STK32B: variants seen among roughly 807,000 people sequenced by gnomAD.
STK32B encodes serine/threonine-protein kinase 32B.
STK32B carries 43 observed loss-of-function variants against 52.6 expected under a neutral mutation model. The observed-to-expected ratio is 0.82, with a 90% confidence interval of 0.64 to 1.05. The LOEUF (loss-of-function observed/expected upper bound fraction) is 1.05. Among genes scored for constraint, STK32B ranks in the 50% least tolerant of loss-of-function variants. The probability of loss-of-function intolerance (pLI) is 0.00; values close to 1 mark genes in which losing one functional copy is unlikely to be tolerated. For synonymous variants in STK32B, 238 were observed against 204.3 expected, an observed-to-expected ratio of 1.17 and a Z score of -1.41; for missense variants, 621 against 534.6, an observed-to-expected ratio of 1.16 and a Z score of -1.59.
At chr4:5,084,710 A>G (rs1712621841) in intron 1 of STK32B, among the ~76,000 whole-genome samples, 1 of 152,194 alleles carries the variant, frequency 6.6e-6, no homozygotes, top group Non-Finnish European at 1.5e-5. Flanking sequence ...TTCTGTAAAA[A>G]ATTGAGGAAA....
intron 3 of STK32B, among the ~76,000 whole-genome samples, chr4:5,287,830 T>C (rs1194704339): frequency 1.3e-5 from 2 of 152,216 alleles, no homozygotes; most frequent in African/African-American, 4.8e-5. Flanking sequence ...GTTTTTAATA[T>C]ATTCAGAGTT....
intron 4 of STK32B, among the ~76,000 whole-genome samples, chr4:5,346,810 G>C (rs1733494197): frequency 6.6e-6 from 1 of 152,156 alleles, no homozygotes; most frequent in African/African-American, 2.4e-5. Flanking sequence ...TCCAAGACTG[G>C]GTAGTTTAGA....
intron 2 of STK32B, among the ~76,000 whole-genome samples, chr4:5,166,580 G>T (rs1382690265): frequency 6.6e-6 from 1 of 150,960 alleles, no homozygotes; most frequent in African/African-American, 2.4e-5. Flanking sequence ...ACAGAGCCTA[G>T]GACGGAAGAG....
Position 5,318,606 on chromosome 4 carries a change from C to T in STK32B, c.261-12614C>T, listed in dbSNP as rs541061906. Among the ~76,000 whole-genome samples, 244 of 151,998 alleles carry T rather than the reference C, an allele frequency of 1.6e-3. 1 individual carries two copies. Among genetic ancestry groups the T allele is most frequent in the Non-Finnish European group, 2.6e-3 (175 of 67,996 alleles). On this transcript the variant is annotated intron_variant, in intron 3 of 11. Coordinates refer to ENST00000282908, the MANE Select transcript of STK32B (RefSeq NM_018401.3). ...CACTGCAGTGATTTAAATGGTGAATCAGCTAGACCCAGAATCACAGGGTAG... is the reference window on the plus strand; with the variant it reads ...CACTGCAGTGATTTAAATGGTGAATTAGCTAGACCCAGAATCACAGGGTAG...
chr4:5,327,435 A>C (rs1731954686), intron 3 of STK32B, among the ~76,000 whole-genome samples: 1 of 151,796 alleles, frequency 6.6e-6, no homozygotes, highest in Non-Finnish European at 1.5e-5. Flanking sequence ...TAAGTGTCAA[A>C]GGTCAAAATT....
intron 11 of STK32B, among the ~76,000 whole-genome samples, chr4:5,495,193 C>T (rs994706287): frequency 2.0e-5 from 3 of 152,268 alleles, no homozygotes; most frequent in South Asian, 4.2e-4. Context: ...TTCCGTTTTC[C>T]CTGTCACTTT....
chr4:5,088,364 T>G (rs2108780947), intron 1 of STK32B, among the ~76,000 whole-genome samples: 1 of 152,062 alleles, frequency 6.6e-6, no homozygotes, highest in Middle Eastern at 3.4e-3. Flanking sequence ...CAAAAAATAG[T>G]TAAAAAGAAT....
At chr4:5,227,940 A>G (rs1723985169) in intron 3 of STK32B, among the ~76,000 whole-genome samples, 1 of 152,212 alleles carries the variant, frequency 6.6e-6, no homozygotes, top group African/African-American at 2.4e-5. Context: ...AGTTTCGCCC[A>G]TCACTGAGTT....
At chr4:5,415,754 G>C (rs544760668) in intron 5 of STK32B, among the ~76,000 whole-genome samples, 7 of 151,784 alleles carry the variant, frequency 4.6e-5, no homozygotes, top group African/African-American at 1.5e-4. Flanking sequence ...TTGAGTCTGA[G>C]ATTAGAGGGT....
chr4:5,246,930 G>C (rs1725496507), intron 3 of STK32B, among the ~76,000 whole-genome samples: 1 of 152,144 alleles, frequency 6.6e-6, no homozygotes, highest in African/African-American at 2.4e-5. Flanking sequence ...TCATTCCTCT[G>C]GAAGTTTTGT....
intron 4 of STK32B, among the ~76,000 whole-genome samples, chr4:5,343,604 C>T (rs892360030): frequency 4.6e-5 from 7 of 152,262 alleles, no homozygotes; most frequent in African/African-American, 1.7e-4. Flanking sequence ...AAATGTTAGA[C>T]CTAAAACTAT....
In STK32B at chr4:5,398,254, C is replaced by T; in HGVS notation, c.472+10C>T. 1.2e-6 allele frequency: 2 copies of T among 1,613,910 alleles called. No homozygotes were observed. Among genetic ancestry groups the T allele is most frequent in the Non-Finnish European group, 8.5e-7 (1 of 1,179,964 alleles). ...CTGCTGGATGAACACGGTAAGCCTGCTACTAATCCTTTACAGGGACTCTCA... is the reference window on the plus strand; with the variant it reads ...CTGCTGGATGAACACGGTAAGCCTGTTACTAATCCTTTACAGGGACTCTCA... On this transcript the variant is annotated intron_variant, in intron 5 of 11. Coordinates refer to ENST00000282908, the MANE Select transcript of STK32B (RefSeq NM_018401.3). The surrounding 1 kb of genome is among the most constrained non-coding windows in gnomAD (Gnocchi z 4.9).
chr4:5,142,666 G>A (rs1312654439), intron 2 of STK32B, among the ~76,000 whole-genome samples: 2 of 152,148 alleles, frequency 1.3e-5, no homozygotes, highest in Non-Finnish European at 2.9e-5. Flanking sequence ...CTTGTTGAGG[G>A]CAGAAATCTT....
intron 3 of STK32B, among the ~76,000 whole-genome samples, chr4:5,175,788 C>G (rs539042859): frequency 6.6e-6 from 1 of 152,238 alleles, no homozygotes; most frequent in Non-Finnish European, 1.5e-5. Flanking sequence ...GTGCTCATAT[C>G]TCCAGCTGCA....
intron 3 of STK32B, among the ~76,000 whole-genome samples, chr4:5,315,869 T>C (rs1398096855): frequency 3.3e-5 from 5 of 151,000 alleles, no homozygotes; most frequent in African/African-American, 1.2e-4. Context: ...CACGCCCAGC[T>C]AATTTTTGTA....
chr4:5,259,182 C>A (rs1353918192), intron 3 of STK32B, among the ~76,000 whole-genome samples: 1 of 152,158 alleles, frequency 6.6e-6, no homozygotes, highest in Non-Finnish European at 1.5e-5. Flanking sequence ...TTTTCTATAG[C>A]AAGAATCAAC....
Position 5,396,061 on chromosome 4 carries a change from C to T in STK32B, c.435-2146C>T, listed in dbSNP as rs956355516. ...CCCTCAACTCTATCAGCTCTCCTTCCACCGTGCCAGTTGTGTTAGCTTCCG... is the reference window on the plus strand; with the variant it reads ...CCCTCAACTCTATCAGCTCTCCTTCTACCGTGCCAGTTGTGTTAGCTTCCG... On this transcript the variant is annotated intron_variant, in intron 4 of 11. Transcript: ENST00000282908. This position sits in a 1 kb window ranked among gnomAD's most constrained non-coding sequence, Gnocchi z 4.7. 6.6e-6 allele frequency among the ~76,000 whole-genome samples: 1 copy of T among 152,248 alleles called. No homozygotes were observed. Among genetic ancestry groups the T allele is most frequent in the Non-Finnish European group, 1.5e-5 (1 of 68,044 alleles).
Position 5,338,500 on chromosome 4 carries a change from C to A in STK32B, c.434+7107C>A, listed in dbSNP as rs1732855335. ...ACAGATCAGTTGTATATGTGTCATT[C>A]ATGAATTACTGTAGCCATTCATGAA... On this transcript the variant is annotated intron_variant, in intron 4 of 11. Coordinates refer to ENST00000282908, the MANE Select transcript of STK32B (RefSeq NM_018401.3). Among the ~76,000 whole-genome samples, 5 of 152,268 alleles carry A rather than the reference C, an allele frequency of 3.3e-5. No individual in the cohort carries two copies. In the South Asian group the frequency reaches 1.0e-3, roughly 32 times the overall value.
rs1376526577 is a variant in STK32B at position 5,288,582 on chromosome 4, GTTTA to G, written c.261-42634_261-42631del. On this transcript the variant is annotated intron_variant, in intron 3 of 11. Transcript: ENST00000282908. Reference sequence around the variant, plus strand: ...AATTGTTTGCCTATTTTTTAAATTGGTTTATTTGTCTTTTTATTATTGAGTTGTA... The same window carrying G: ...AATTGTTTGCCTATTTTTTAAATTGGTTTGTCTTTTTATTATTGAGTTGTA... Among the ~76,000 whole-genome samples the G allele has an allele frequency of 5.9e-5, 9 of 152,084 alleles. 1 individual carries two copies. In the East Asian group the frequency reaches 1.7e-3, roughly 29 times the overall value.
Sources: allele counts gnomAD v4.1 joint callset (sites outside exome capture counted in the v4.1 genomes callset), GRCh38; gene constraint gnomAD v4.1.1; non-coding constraint Gnocchi (gnomAD v3.1); transcripts MANE v1.5; gene names NCBI Gene and HGNC (gene_info 2026-07-23, HGNC 2026-07-21).